The following VAV2 variants were observed in gnomAD, a reference collection of about 807,000 sequenced individuals.
VAV2 encodes the protein vav guanine nucleotide exchange factor 2.
VAV2 carries 67 observed loss-of-function variants against 132.5 expected under a neutral mutation model. The ratio of observed to expected loss-of-function variants is 0.51; its 90% CI spans 0.42 to 0.62. The LOEUF is 0.62. VAV2 is among the 20% of genes least tolerant of loss of function. The pLI, the probability that VAV2 is intolerant of heterozygous loss-of-function variation, is 0.00. For missense variants in VAV2, 938 were observed against 1,153.6 expected (o/e 0.81, Z 2.71); for synonymous variants, 492 against 443.5 (o/e 1.11, Z -1.37).
At position 133,804,799 on chromosome 9, in the gene VAV2, C is replaced by A. The variant is rs1835070226; in HGVS notation, c.836+1282G>T. Among the ~76,000 whole-genome samples, 2 of 152,316 alleles carry A rather than the reference C, an allele frequency of 1.3e-5. No individual in the cohort carries two copies. The highest frequency in any genetic ancestry group is 4.1e-4 in the South Asian group (2 of 4,832). ...GCTGAGGGCAGGTTAGGGAGCTGTC[C>A]TCCCCCGATCCCTGCCCACTCTTAA... is the stretch of plus-strand genomic sequence containing the variant. On this transcript the variant is annotated intron_variant, in intron 9 of 29. Transcript: ENST00000371850. This position sits in a 1 kb window ranked among gnomAD's most constrained non-coding sequence, Gnocchi z 4.5.
At position 133,788,812 on chromosome 9, in the gene VAV2, T is replaced by C. The variant is rs565950155; in HGVS notation, c.1275-326A>G. Among the ~76,000 whole-genome samples the C allele has an allele frequency of 6.6e-6, 1 of 152,280 alleles. No homozygotes were observed. Among genetic ancestry groups the C allele is most frequent in the East Asian group, 1.9e-4 (1 of 5,166 alleles). On this transcript the variant is annotated intron_variant, in intron 14 of 29. Coordinates refer to ENST00000371850, the MANE Select transcript of VAV2 (RefSeq NM_001134398.2). This position sits in a 1 kb window ranked among gnomAD's most constrained non-coding sequence, Gnocchi z 5.3. Reference sequence around the variant, plus strand: ...ACTCCCAGTTGATCCCGCGCTGGACTGGGAGCCTCAAGAGGGTGGGACCCA... The same window carrying C: ...ACTCCCAGTTGATCCCGCGCTGGACCGGGAGCCTCAAGAGGGTGGGACCCA...
intron 1 of VAV2, among the ~76,000 whole-genome samples, chr9:133,967,933 C>CAAAAAAAAAA (rs34152925): frequency 2.8e-5 from 2 of 71,360 alleles, no homozygotes; most frequent in Admixed American, 1.8e-4. Flanking sequence ...ACTCTATAAC[C>CAAAAAAAAAA]AAAAAAAAAA....
chr9:133,952,417 C>T (rs1393899321), intron 1 of VAV2, among the ~76,000 whole-genome samples: 3 of 152,172 alleles, frequency 2.0e-5, no homozygotes, highest in South Asian at 2.1e-4. Flanking sequence ...GCCTGGCCAA[C>T]GTGGTGAAAC....
At chr9:133,930,002 C>G (rs1225038485) in intron 2 of VAV2, among the ~76,000 whole-genome samples, 1 of 152,262 alleles carries the variant, frequency 6.6e-6, no homozygotes, top group African/African-American at 2.4e-5. Context: ...GGGCCCTGCC[C>G]TCCCTTCCTC....
intron 2 of VAV2, among the ~76,000 whole-genome samples, chr9:133,876,488 G>A (rs1838268328): frequency 6.6e-6 from 1 of 152,262 alleles, no homozygotes; most frequent in Non-Finnish European, 1.5e-5. Flanking sequence ...ACGTGCAGGG[G>A]CAGAGCCCAC....
chr9:133,775,781 G>A (rs1276542801), intron 24 of VAV2, among the ~76,000 whole-genome samples: 2 of 152,230 alleles, frequency 1.3e-5, no homozygotes, highest in Non-Finnish European at 2.9e-5. Context: ...TGAGCCAGTT[G>A]AGCTGTTTTA....
rs1458852071 is a variant in VAV2 at position 133,857,511 on chromosome 9, GGA to G, written c.380+3861_380+3862del. 2.6e-5 allele frequency among the ~76,000 whole-genome samples: 4 copies of G among 152,238 alleles called. No homozygotes were observed. The highest frequency in any genetic ancestry group is 7.2e-5 in the African/African-American group (3 of 41,454). ...GGCTCCTACCCAGCCATGAAATGAGGGAGAGATTCTTCAGGGCTGTGGGCTTG... is the reference window on the plus strand; with the variant it reads ...GGCTCCTACCCAGCCATGAAATGAGGGAGATTCTTCAGGGCTGTGGGCTTG... On this transcript the variant is annotated intron_variant, in intron 3 of 29. Coordinates refer to ENST00000371850, the MANE Select transcript of VAV2 (RefSeq NM_001134398.2). This position sits in a 1 kb window ranked among gnomAD's most constrained non-coding sequence, Gnocchi z 4.0.
intron 1 of VAV2, among the ~76,000 whole-genome samples, chr9:133,959,866 C>T (rs1253185060): frequency 6.6e-6 from 1 of 152,174 alleles, no homozygotes. Flanking sequence ...CAGGGGGACC[C>T]TCCCCTAGTG....
intron 19 of VAV2, among the ~76,000 whole-genome samples, chr9:133,780,955 T>C (rs1368252107): frequency 6.6e-6 from 1 of 152,200 alleles, no homozygotes; most frequent in Non-Finnish European, 1.5e-5. Context: ...ATGGGAGAAC[T>C]TGGACTGGGT....
Position 133,926,050 on chromosome 9 carries a change from A to C in VAV2, c.321+13053T>G, listed in dbSNP as rs1286187298. The C allele has an allele frequency of 6.8e-6, 1 of 148,108 alleles. No individual in the cohort carries two copies. The highest frequency in any genetic ancestry group is 2.0e-4 in the East Asian group (1 of 4,908). 9.2% of individuals were successfully genotyped at this position (148,108 alleles called of 1,614,324 possible). A position where few individuals can be genotyped will look rare whatever the true frequency, so the allele number is the denominator to read the frequency against. On this transcript the variant is annotated intron_variant, in intron 2 of 29. Transcript: ENST00000371850. The surrounding 1 kb of genome is among the most constrained non-coding windows in gnomAD (Gnocchi z 4.3). ...AAAAGCATGCACCAGTTGCACCAGG[A>C]CCAGCTAAGAAAATGCAAGCTCTCA...
intron 1 of VAV2, among the ~76,000 whole-genome samples, chr9:133,962,640 C>G (rs1842003328): frequency 6.6e-6 from 1 of 152,186 alleles, no homozygotes; most frequent in Admixed American, 6.5e-5. Flanking sequence ...CCACAAAGCT[C>G]CCGGTGCTGG....
chr9:133,976,044 AG>A (rs60827082), intron 1 of VAV2, among the ~76,000 whole-genome samples: 6 of 50,754 alleles, frequency 1.2e-4, no homozygotes, highest in African/African-American at 3.6e-4. Context: ...AAAAAAAAAA[AG>A]AAAATACAAA....
chr9:133,766,123 G>C (rs1833423262), intron 29 of VAV2, among the ~76,000 whole-genome samples: 1 of 152,194 alleles, frequency 6.6e-6, no homozygotes, highest in Non-Finnish European at 1.5e-5. Context: ...AATAATGCAG[G>C]AGGAAATGGG....
intron 1 of VAV2, among the ~76,000 whole-genome samples, chr9:133,966,800 C>T (rs536166241): frequency 1.3e-5 from 2 of 152,196 alleles, no homozygotes; most frequent in East Asian, 1.9e-4. Context: ...TCTGGGAGGC[C>T]GTGGCGGGCA....
intron 2 of VAV2, among the ~76,000 whole-genome samples, chr9:133,917,342 G>A (rs1840129101): frequency 6.6e-6 from 1 of 151,820 alleles, no homozygotes; most frequent in South Asian, 2.1e-4. Flanking sequence ...AAACTCTCAA[G>A]TCAAAGGAAT....
intron 22 of VAV2, 135 bp downstream of exon 22, chr9:133,778,627 G>A: frequency 7.4e-7 from 1 of 1,356,372 alleles, no homozygotes; most frequent in East Asian, 2.5e-5. Context: ...TAGGCCCCCT[G>A]TGCCTCCTCC....
In VAV2 at chr9:133,794,388, G is replaced by A. The variant is rs1317523080; in HGVS notation, c.1101+1280C>T. Among the ~76,000 whole-genome samples the A allele has an allele frequency of 6.6e-6, 1 of 152,106 alleles. No homozygotes were observed. ...CTGAAGGTCTCTGGGACCACCTCCC[G>A]TGCCCACACACGAGTGCCCACAGGA... On this transcript the variant is annotated intron_variant, in intron 12 of 29. Transcript: ENST00000371850. This position sits in a 1 kb window ranked among gnomAD's most constrained non-coding sequence, Gnocchi z 4.6.
chr9:133,838,130 G>A (rs369162464), intron 3 of VAV2, among the ~76,000 whole-genome samples: 54 of 151,898 alleles, frequency 3.6e-4, no homozygotes, highest in African/African-American at 1.3e-3. Context: ...CTTTCACTCC[G>A]CTCCCCCCAC....
chr9:133,971,356 G>A (rs1417262887), intron 1 of VAV2, among the ~76,000 whole-genome samples: 1 of 152,120 alleles, frequency 6.6e-6, no homozygotes, highest in East Asian at 1.9e-4. Flanking sequence ...CCGTGGGACC[G>A]GTGACTCCAC....
Sources: allele counts gnomAD v4.1 joint callset (sites outside exome capture counted in the v4.1 genomes callset), GRCh38; gene constraint gnomAD v4.1.1; non-coding constraint Gnocchi (gnomAD v3.1); transcripts MANE v1.5; gene names NCBI Gene and HGNC (gene_info 2026-07-23, HGNC 2026-07-21).